The following RASSF3 variants were observed in gnomAD, a reference collection of about 807,000 sequenced individuals.
RASSF3 encodes the protein Ras association domain family member 3.
In RASSF3, 19 loss-of-function variants were observed where a neutral mutation model predicts 19.9. The ratio of observed to expected loss-of-function variants is 0.96; its 90% confidence interval spans 0.67 to 1.40. RASSF3 has a LOEUF of 1.40. RASSF3 is among the 40% of genes most tolerant of loss of function. The pLI is 0.00. For missense variants in RASSF3, 306 were observed against 289.8 expected, an observed-to-expected ratio of 1.06 and a Z score of -0.41; for synonymous variants, 110 against 104.2, an observed-to-expected ratio of 1.06 and a Z score of -0.34.
intron 1 of RASSF3, among the ~76,000 whole-genome samples, chr12:64,673,590 C>T (rs147173859): frequency 9.2e-4 from 140 of 152,222 alleles, no homozygotes; most frequent in Admixed American, 1.6e-3. Flanking sequence ...TCCGAGAGGA[C>T]GGCTGCAGCA....
chr12:64,623,928 G>A (rs1488055149), intron 1 of RASSF3, among the ~76,000 whole-genome samples: 1 of 151,810 alleles, frequency 6.6e-6, no homozygotes, highest in African/African-American at 2.4e-5. Flanking sequence ...GGATTACAGG[G>A]GTGAGCCACC....
intron 1 of RASSF3, among the ~76,000 whole-genome samples, chr12:64,661,678 T>A: frequency 4.9e-5 from 1 of 20,546 alleles, no homozygotes. Flanking sequence ...TTTCTTTTTC[T>A]TTTTTTTTTT....
intron 1 of RASSF3, among the ~76,000 whole-genome samples, chr12:64,643,903 T>C (rs1404213315): frequency 6.6e-6 from 1 of 152,200 alleles, no homozygotes; most frequent in Non-Finnish European, 1.5e-5. Context: ...TTCATTGTTG[T>C]GTGTATGCAA....
At chr12:64,672,724 C>G (rs1389515548) in intron 1 of RASSF3, among the ~76,000 whole-genome samples, 2 of 152,094 alleles carry the variant, frequency 1.3e-5, no homozygotes, top group South Asian at 4.2e-4. Context: ...GCTGTGTTGC[C>G]CAAGCTGATC....
chr12:64,639,828 A>G (rs1349534044), intron 1 of RASSF3, among the ~76,000 whole-genome samples: 1 of 152,214 alleles, frequency 6.6e-6, no homozygotes, highest in Non-Finnish European at 1.5e-5. Context: ...TGCTTCTCCA[A>G]ACACTTAACT....
chr12:64,517,741 C>T (rs1385202301), intron 1 of RASSF3, among the ~76,000 whole-genome samples: 1 of 151,976 alleles, frequency 6.6e-6, no homozygotes, highest in Non-Finnish European at 1.5e-5. Flanking sequence ...ACCTCAGCCT[C>T]CCTAGTAGCT....
At chr12:64,612,769 C>A (rs977564505) in intron 1 of RASSF3, among the ~76,000 whole-genome samples, 2 of 152,096 alleles carry the variant, frequency 1.3e-5, no homozygotes. Flanking sequence ...AGCCACCGCC[C>A]CCGGCACATT....
intron 1 of RASSF3, among the ~76,000 whole-genome samples, chr12:64,617,682 C>T (rs1336666613): frequency 2.0e-5 from 3 of 152,162 alleles, no homozygotes; most frequent in Non-Finnish European, 4.4e-5. Flanking sequence ...CTCAGCCTCC[C>T]CAGTAGCTGG....
downstream of RASSF3, among the ~76,000 whole-genome samples, chr12:64,544,001 A>G (rs1869003555): frequency 6.6e-6 from 1 of 152,076 alleles, no homozygotes; most frequent in African/African-American, 2.4e-5. Context: ...TCTCTGTAAA[A>G]TGGACCAATC....
At chr12:64,572,378 C>T (rs375002642) in intron 2 of RASSF3, among the ~76,000 whole-genome samples, 1 of 152,220 alleles carries the variant, frequency 6.6e-6, no homozygotes, top group African/African-American at 2.4e-5. Context: ...CATATAAAGA[C>T]ACAGTGAGAA....
chr12:64,615,212 AT>A (rs1870510056), intron 1 of RASSF3, among the ~76,000 whole-genome samples: 1 of 152,258 alleles, frequency 6.6e-6, no homozygotes, highest in African/African-American at 2.4e-5. Flanking sequence ...TACAGGACAC[AT>A]TCAGATTTCC....
chr12:64,615,432 AT>A (rs1870519798), intron 1 of RASSF3, among the ~76,000 whole-genome samples: 1 of 152,160 alleles, frequency 6.6e-6, no homozygotes, highest in African/African-American at 2.4e-5. Context: ...GCGCTGAAGA[AT>A]TTTACTTCAG....
At chr12:64,660,012 A>ATGTG (rs1173618990) in intron 1 of RASSF3, among the ~76,000 whole-genome samples, 1 of 113,936 alleles carries the variant, frequency 8.8e-6, no homozygotes, top group Admixed American at 8.3e-5. Flanking sequence ...GCGTGTATAT[A>ATGTG]TATGTGTGTG....
intron 2 of RASSF3, among the ~76,000 whole-genome samples, chr12:64,575,123 G>A (rs1869574833): frequency 6.6e-6 from 1 of 152,200 alleles, no homozygotes; most frequent in Non-Finnish European, 1.5e-5. Context: ...TGTCATTTAT[G>A]TACATAGCAA....
intron 1 of RASSF3, among the ~76,000 whole-genome samples, chr12:64,643,193 A>G (rs1448003339): frequency 6.6e-6 from 1 of 152,116 alleles, no homozygotes; most frequent in Non-Finnish European, 1.5e-5. Flanking sequence ...GCAATTGTTA[A>G]TTGTAGCTTA....
At chr12:64,595,428 C>G (rs112575818) in intron 2 of RASSF3, among the ~76,000 whole-genome samples, 121 of 152,250 alleles carry the variant, frequency 7.9e-4, no homozygotes, top group Non-Finnish European at 1.6e-3. Flanking sequence ...GTCATCTTCC[C>G]CAAACCTACT....
chr12:64,645,543 A>AT (rs953142133), intron 1 of RASSF3, among the ~76,000 whole-genome samples: 10 of 151,456 alleles, frequency 6.6e-5, no homozygotes, highest in Middle Eastern at 3.4e-3. Context: ...AAATAAAGAA[A>AT]TTTTTTTTTA....
chr12:64,507,721 T>C (rs1323230117), intron 1 of RASSF3, among the ~76,000 whole-genome samples: 1 of 152,184 alleles, frequency 6.6e-6, no homozygotes, highest in African/African-American at 2.4e-5. Flanking sequence ...TAAGTCACAG[T>C]GAGTTCCCCT....
chr12:64,671,868 G>C (rs1037063618), intron 1 of RASSF3, among the ~76,000 whole-genome samples: 1 of 152,216 alleles, frequency 6.6e-6, no homozygotes, highest in Non-Finnish European at 1.5e-5. Flanking sequence ...GTACACTTGG[G>C]ATTTCAGCCA....
Sources: gnomAD v4.1 joint callset for allele counts (sites outside exome capture counted in the v4.1 genomes callset) on GRCh38, gnomAD v4.1.1 for gene constraint, MANE v1.5 for transcripts, NCBI Gene and HGNC (gene_info 2026-07-23, HGNC 2026-07-21) for gene names.